Variants in NCDN observed in about 807,000 individuals in gnomAD.
The protein encoded by NCDN is neurochondrin.
In NCDN, 9 loss-of-function variants were observed where a neutral mutation model predicts 60.7. The ratio of observed to expected loss-of-function variants is 0.15; its 90% confidence interval spans 0.09 to 0.26. NCDN has a LOEUF of 0.26. Ranked by LOEUF, NCDN falls within the 10% of genes least tolerant of loss-of-function variation. The pLI is 1.00. For synonymous variants in NCDN, 409 were observed against 442.5 expected, an observed-to-expected ratio of 0.92 and a Z score of 0.95; for missense variants, 578 against 975.2, an observed-to-expected ratio of 0.59 and a Z score of 5.42.
At position 35,558,263 on chromosome 1, in the gene NCDN, C is replaced by T. The variant is rs1648458539; in HGVS notation, c.33+40C>T. On this transcript the variant is annotated intron_variant, in intron 1 of 6. Transcript: ENST00000373243. This position sits in a 1 kb window ranked among gnomAD's most constrained non-coding sequence, Gnocchi z 6.3. Reference sequence around the variant, plus strand: ...GAACCCTCCTCCCCTTCTCATCTCCCCATCTCAGCAGCCCTGCTTCGATTA... The same window carrying T: ...GAACCCTCCTCCCCTTCTCATCTCCTCATCTCAGCAGCCCTGCTTCGATTA... 2 of 1,613,590 alleles carry T rather than the reference C, an allele frequency of 1.2e-6. No homozygotes were observed. The highest frequency in any genetic ancestry group is 2.7e-5 in the African/African-American group (2 of 74,892).
Position 35,560,242 on chromosome 1 carries a change from G to A in NCDN, c.175-84G>A. 1 of 1,508,292 alleles carries A rather than the reference G, an allele frequency of 6.6e-7. No homozygotes were observed. The highest frequency in any genetic ancestry group is 2.3e-5 in the East Asian group (1 of 44,186). 93.4% of individuals were successfully genotyped at this position (1,508,292 alleles called of 1,614,324 possible). ...CCTGTTGCATAACCTCATCTTGCTA[G>A]TCCTCAGTGCCCCAGGATGCAGGAG... On this transcript the variant is annotated intron_variant, in intron 2 of 6. Transcript: ENST00000373243. The surrounding 1 kb of genome is among the most constrained non-coding windows in gnomAD (Gnocchi z 7.6).
Position 35,566,680 on chromosome 1 carries a change from C to T in NCDN, c.*1017C>T, listed in dbSNP as rs1283661084. ...ACACACACACACACACACACACACA[C>T]TCTTGATCCCTTGCTTCCCTCCCCC... On this transcript the variant is annotated 3_prime_UTR_variant, in exon 7 of 7. Transcript: ENST00000373243. The surrounding 1 kb of genome is among the most constrained non-coding windows in gnomAD (Gnocchi z 5.3). The T allele has an allele frequency of 2.4e-6, 1 of 422,162 alleles. No homozygotes were observed. Among genetic ancestry groups the T allele is most frequent in the East Asian group, 7.2e-5 (1 of 13,902 alleles). The allele number at this position is 422,162 out of a possible 1,614,324, so 26.2% of individuals were successfully genotyped here. A position where few individuals can be genotyped will look rare whatever the true frequency, so the allele number is the denominator to read the frequency against.
At position 35,563,133 on chromosome 1, in the gene NCDN, CT is replaced by C; in HGVS notation, c.1386-68del. The stretch of plus-strand genomic sequence containing the variant: ...TTCCATTTCTCTTAGGCAAGGTGCC[CT>C]AAAAAGGGAATCTATGTGCCTTCAT... On this transcript the variant is annotated intron_variant, in intron 4 of 6. Transcript: ENST00000373243. This position sits in a 1 kb window ranked among gnomAD's most constrained non-coding sequence, Gnocchi z 6.6. 7.1e-7 allele frequency: 1 copy of C among 1,411,648 alleles called. No individual in the cohort carries two copies. Among genetic ancestry groups the C allele is most frequent in the Non-Finnish European group, 9.6e-7 (1 of 1,046,338 alleles). The allele number at this position is 1,411,648 out of a possible 1,614,324, so 87.4% of individuals were successfully genotyped here.
At chr1:35,564,288 C>T (rs564919261) in intron 6 of NCDN, among the ~76,000 whole-genome samples, 1 of 152,274 alleles carries the variant, frequency 6.6e-6, no homozygotes, top group East Asian at 1.9e-4. Flanking sequence ...CTGCTCTGCT[C>T]GGTACCTCAC....
chr1:35,563,998 A>C lies in NCDN; in HGVS notation c.1753+89A>C. On this transcript the variant is annotated intron_variant, in intron 6 of 6. Transcript: ENST00000373243. This position sits in a 1 kb window ranked among gnomAD's most constrained non-coding sequence, Gnocchi z 6.6. Reference sequence around the variant, plus strand: ...TGGGGCAAAAGTCACCATTTTTAGAAGATGGTTTTGCAGCATTTTCTAAGC... The same window carrying C: ...TGGGGCAAAAGTCACCATTTTTAGACGATGGTTTTGCAGCATTTTCTAAGC... 1 of 1,451,478 alleles carries C rather than the reference A, an allele frequency of 6.9e-7. No homozygotes were observed. The highest frequency in any genetic ancestry group is 9.2e-7 in the Non-Finnish European group (1 of 1,092,408). 89.9% of individuals were successfully genotyped at this position (1,451,478 alleles called of 1,614,324 possible).
In NCDN at chr1:35,557,959, C is replaced by T. The variant is rs1233628094; in HGVS notation, c.-232C>T. The stretch of plus-strand genomic sequence containing the variant: ...CCGAGCCGGCGCTGATCGATGCCGA[C>T]ACACCCCGGGGACCCTATCGCGACT... On this transcript the variant is annotated 5_prime_UTR_variant, in exon 1 of 7. Transcript: ENST00000373243. 7.4e-6 allele frequency: 5 copies of T among 672,312 alleles called. No homozygotes were observed. Among genetic ancestry groups the T allele is most frequent in the African/African-American group, 1.8e-5 (1 of 55,654 alleles). The allele number at this position is 672,312 out of a possible 1,614,324, so 41.6% of individuals were successfully genotyped here.
rs79423278 is a variant in NCDN at position 35,558,686 on chromosome 1, G to T, written c.34-421G>T. On this transcript the variant is annotated intron_variant, in intron 1 of 6. Coordinates refer to ENST00000373243, the MANE Select transcript of NCDN (RefSeq NM_014284.3). This position sits in a 1 kb window ranked among gnomAD's most constrained non-coding sequence, Gnocchi z 6.3. The stretch of plus-strand genomic sequence containing the variant: ...GTCCGGATAATCGAACTTCACCCAT[G>T]TATGTCTCCATTTCTCCCTGTCTGT... 2,906 of 1,137,918 alleles carry T rather than the reference G, an allele frequency of 2.6e-3. 10 individuals carry two copies. Among genetic ancestry groups the T allele is most frequent in the South Asian group, 7.1e-3 (256 of 36,192 alleles). 70.5% of individuals were successfully genotyped at this position (1,137,918 alleles called of 1,614,324 possible). A position where few individuals can be genotyped will look rare whatever the true frequency, so the allele number is the denominator to read the frequency against.
At position 35,558,515 on chromosome 1, in the gene NCDN, C is replaced by T. The variant is rs1648504817; in HGVS notation, c.33+292C>T. ...GAGCCTGCGGGGGCGACTGAGAGCC[C>T]TGGCTGGAGGGGTGGGGTCCCCAAA... On this transcript the variant is annotated intron_variant, in intron 1 of 6. Transcript: ENST00000373243. The surrounding 1 kb of genome is among the most constrained non-coding windows in gnomAD (Gnocchi z 6.3). 3 of 1,367,086 alleles carry T rather than the reference C, an allele frequency of 2.2e-6. No homozygotes were observed. The highest frequency in any genetic ancestry group is 1.7e-5 in the South Asian group (1 of 58,464). 84.7% of individuals were successfully genotyped at this position (1,367,086 alleles called of 1,614,324 possible).
chr1:35,561,311 C>T lies in NCDN; in HGVS notation c.1143+17C>T, dbSNP rs1396003336. ...CTGCTGCAGGTGAGGGTGCAGTGACCCACAGAGGGGGCCCAGTATGGGGGG... is the reference window on the plus strand; with the variant it reads ...CTGCTGCAGGTGAGGGTGCAGTGACTCACAGAGGGGGCCCAGTATGGGGGG... On this transcript the variant is annotated intron_variant, in intron 3 of 6. Transcript: ENST00000373243. The surrounding 1 kb of genome is among the most constrained non-coding windows in gnomAD (Gnocchi z 4.9). 2 of 1,559,812 alleles carry T rather than the reference C, an allele frequency of 1.3e-6. No homozygotes were observed. The highest frequency in any genetic ancestry group is 1.3e-5 in the African/African-American group (1 of 74,296).
chr1:35,559,334 G>A, intron 2 of NCDN, 87 bp downstream of exon 2: 1 of 1,559,908 alleles, frequency 6.4e-7, no homozygotes. Context: ...CCAAGGATAT[G>A]TACGTAGTGC....
Position 35,558,001 on chromosome 1 carries a change from C to T in NCDN, c.-190C>T, listed in dbSNP as rs1422380777. On this transcript the variant is annotated 5_prime_UTR_variant, in exon 1 of 7. Coordinates refer to ENST00000373243, the MANE Select transcript of NCDN (RefSeq NM_014284.3). The surrounding 1 kb of genome is among the most constrained non-coding windows in gnomAD (Gnocchi z 6.3). ...ATCGCGACTCCATCGCGCCATATCG[C>T]GACACCATCGTGCCCTGTCGAGACT... 3.5e-6 allele frequency: 3 copies of T among 846,202 alleles called. No homozygotes were observed. The East Asian group carries it at 8.0e-5, about 23-fold the overall frequency. The allele number at this position is 846,202 out of a possible 1,614,324, so 52.4% of individuals were successfully genotyped here.
In NCDN at chr1:35,563,321, C is replaced by G; in HGVS notation, c.1505C>G (p.Ser502Cys). The G allele has an allele frequency of 1.2e-6, 2 of 1,614,228 alleles. No homozygotes were observed. The highest frequency in any genetic ancestry group is 1.7e-6 in the Non-Finnish European group (2 of 1,180,044). Reference sequence around the variant, plus strand: ...TTCCTGCAGCAGTGGGAACTCACATCCCCTGGCCACGACACCTCGGTGCTG... The same window carrying G: ...TTCCTGCAGCAGTGGGAACTCACATGCCCTGGCCACGACACCTCGGTGCTG... Reference protein sequence around the residue: ...KYFLQQWELTSPGHDTSVLPD... With the variant: ...KYFLQQWELTCPGHDTSVLPD... Residue 502 changes from serine (S) to cysteine (C), a missense_variant, in exon 5 of 7, where the codon TCC becomes TGC. Coordinates refer to ENST00000373243, the MANE Select transcript of NCDN (RefSeq NM_014284.3). This position sits in a 1 kb window ranked among gnomAD's most constrained non-coding sequence, Gnocchi z 6.6.
At position 35,558,324 on chromosome 1, in the gene NCDN, T is replaced by C. The variant is rs1047303576; in HGVS notation, c.33+101T>C. 33 of 1,577,578 alleles carry C rather than the reference T, an allele frequency of 2.1e-5. No individual in the cohort carries two copies. The highest frequency in any genetic ancestry group is 2.8e-5 in the Non-Finnish European group (32 of 1,158,642). ...GGATTCTCCGTTGTCCTGGGAACTATCCGGGACCCCCTCTTGCTTCTCCAG... is the reference window on the plus strand; with the variant it reads ...GGATTCTCCGTTGTCCTGGGAACTACCCGGGACCCCCTCTTGCTTCTCCAG... On this transcript the variant is annotated intron_variant, in intron 1 of 6. Transcript: ENST00000373243. This position sits in a 1 kb window ranked among gnomAD's most constrained non-coding sequence, Gnocchi z 6.3.
chr1:35,559,055 C>T, intron 1 of NCDN, 52 bp from the exon 2 acceptor site: 1 of 1,326,902 alleles, frequency 7.5e-7, no homozygotes, highest in Non-Finnish European at 1.0e-6. Context: ...ACCCCCACCC[C>T]ACCCCCGTCC....
chr1:35,562,756 AG>A lies in NCDN; in HGVS notation c.1385+126del. On this transcript the variant is annotated intron_variant, in intron 4 of 6. Coordinates refer to ENST00000373243, the MANE Select transcript of NCDN (RefSeq NM_014284.3). The surrounding 1 kb of genome is among the most constrained non-coding windows in gnomAD (Gnocchi z 6.8). ...CTGATTGGGCCATGAGATATCCCTT[AG>A]GGTTATTTCTGTTTTGGGGGGCTTG... The A allele has an allele frequency of 7.4e-7, 1 of 1,346,928 alleles. No individual in the cohort carries two copies. Among genetic ancestry groups the A allele is most frequent in the Non-Finnish European group, 9.9e-7 (1 of 1,013,026 alleles). 83.4% of individuals were successfully genotyped at this position (1,346,928 alleles called of 1,614,324 possible).
rs1265372878 is a variant in NCDN, at chr1:35,561,902, C to G, written c.1144-490C>G. Among the ~76,000 whole-genome samples the G allele has an allele frequency of 6.6e-6, 1 of 152,208 alleles. No homozygotes were observed. Reference sequence around the variant, plus strand: ...CCAGCCATATATTCCATGCACCACGCTAAGCTCATGTCTTTTTTCTGACTT... The same window carrying G: ...CCAGCCATATATTCCATGCACCACGGTAAGCTCATGTCTTTTTTCTGACTT... On this transcript the variant is annotated intron_variant, in intron 3 of 6. Coordinates refer to ENST00000373243, the MANE Select transcript of NCDN (RefSeq NM_014284.3). This position sits in a 1 kb window ranked among gnomAD's most constrained non-coding sequence, Gnocchi z 4.9.
At chr1:35,559,332 A>T in intron 2 of NCDN, 85 bp downstream of exon 2, 1 of 1,565,870 alleles carries the variant, frequency 6.4e-7, no homozygotes. Flanking sequence ...CCCCAAGGAT[A>T]TGTACGTAGT....
At position 35,562,967 on chromosome 1, in the gene NCDN, G is replaced by T. The variant is rs1648752531; in HGVS notation, c.1386-235G>T. Reference sequence around the variant, plus strand: ...AGTCTCATTCACATATGAAAGATTAGGAAACTGAGGCTCATAGAGATTAAA... The same window carrying T: ...AGTCTCATTCACATATGAAAGATTATGAAACTGAGGCTCATAGAGATTAAA... On this transcript the variant is annotated intron_variant, in intron 4 of 6. Transcript: ENST00000373243. This position sits in a 1 kb window ranked among gnomAD's most constrained non-coding sequence, Gnocchi z 6.8. 6.6e-6 allele frequency among the ~76,000 whole-genome samples: 1 copy of T among 152,196 alleles called. No homozygotes were observed. Among genetic ancestry groups the T allele is most frequent in the Non-Finnish European group, 1.5e-5 (1 of 68,034 alleles).
Position 35,565,137 on chromosome 1 carries a change from C to T in NCDN, c.1754-90C>T. The T allele has an allele frequency of 7.6e-7, 1 of 1,320,022 alleles. No homozygotes were observed. The highest frequency in any genetic ancestry group is 1.4e-5 in the South Asian group (1 of 71,340). The allele number at this position is 1,320,022 out of a possible 1,614,324, so 81.8% of individuals were successfully genotyped here. On this transcript the variant is annotated intron_variant, in intron 6 of 6. Transcript: ENST00000373243. The surrounding 1 kb of genome is among the most constrained non-coding windows in gnomAD (Gnocchi z 8.9). Reference sequence around the variant, plus strand: ...CTGATTCCAGGCTGTGCCCTGGCTCCTGCATGTGTCTACACAGAGGACTAG... The same window carrying T: ...CTGATTCCAGGCTGTGCCCTGGCTCTTGCATGTGTCTACACAGAGGACTAG...
Sources: allele counts gnomAD v4.1 joint callset (sites outside exome capture counted in the v4.1 genomes callset), GRCh38; gene constraint gnomAD v4.1.1; non-coding constraint Gnocchi (gnomAD v3.1); transcripts MANE v1.5; gene names NCBI Gene and HGNC (gene_info 2026-07-23, HGNC 2026-07-21).